The following C1QTNF3 variants were observed in gnomAD, a reference collection of about 807,000 sequenced individuals.
C1QTNF3 encodes complement C1q tumor necrosis factor-related protein 3.
A neutral mutation model predicts 32.6 loss-of-function variants in C1QTNF3; 26 were observed. The ratio of observed to expected loss-of-function variants is 0.80; its 90% CI spans 0.58 to 1.11. The LOEUF (loss-of-function observed/expected upper bound fraction) is 1.11. C1QTNF3 is among the 50% of genes least tolerant of loss of function. The probability of loss-of-function intolerance (pLI) is 0.00; values close to 1 mark genes in which losing one functional copy is unlikely to be tolerated. For missense variants in C1QTNF3, 362 were observed against 398.2 expected (o/e 0.91, Z 0.77); for synonymous variants, 155 against 146.0 (o/e 1.06, Z -0.44).
the C1QTNF3 span, among the ~76,000 whole-genome samples, chr5:34,064,862 T>C: frequency 2.8e-4 from 42 of 152,144 alleles, no homozygotes; most frequent in African/African-American, 9.7e-4. Flanking sequence ...GCCATCTACA[T>C]TGCGGTGTGT....
At chr5:34,048,401 C>G in the C1QTNF3 span, among the ~76,000 whole-genome samples, 10 of 151,722 alleles carry the variant, frequency 6.6e-5, no homozygotes, top group African/African-American at 2.2e-4. Flanking sequence ...AGAAACCACA[C>G]TAGATATTTT....
Position 34,018,198 on chromosome 5 carries a change from TA to T in C1QTNF3, c.*2384del, listed in dbSNP as rs1397142032. On this transcript the variant is annotated 3_prime_UTR_variant, in exon 6 of 6. Coordinates refer to ENST00000382065, the MANE Select transcript of C1QTNF3 (RefSeq NM_181435.6). ...TTTGATGGGATGATTAATTTTATAC[TA>T]AATATTTTGGGGAATTTTATAAATT... is the stretch of plus-strand genomic sequence containing the variant. 7.6e-4 allele frequency among the ~76,000 whole-genome samples: 116 copies of T among 152,074 alleles called. 1 individual carries two copies. Among genetic ancestry groups the T allele is most frequent in the African/African-American group, 2.6e-3 (106 of 41,558 alleles).
chr5:34,203,880 C>G, the C1QTNF3 span, among the ~76,000 whole-genome samples: 2 of 151,622 alleles, frequency 1.3e-5, no homozygotes, highest in South Asian at 4.2e-4. Flanking sequence ...ATACTTATAT[C>G]AAGTAAAACA....
the C1QTNF3 span, among the ~76,000 whole-genome samples, chr5:34,194,681 C>T: frequency 7.3e-4 from 111 of 152,276 alleles, no homozygotes; most frequent in African/African-American, 2.5e-3. Flanking sequence ...GTCAGTCTTC[C>T]CCCATTAGAA....
the C1QTNF3 span, among the ~76,000 whole-genome samples, chr5:34,197,094 T>C: frequency 1.2e-4 from 19 of 152,412 alleles, no homozygotes; most frequent in African/African-American, 4.1e-4. Context: ...TACTGCCTCA[T>C]AATATAGATG....
chr5:34,218,401 C>T, the C1QTNF3 span: 10 of 151,400 alleles, frequency 6.6e-5, no homozygotes, highest in Non-Finnish European at 1.0e-4. Context: ...GCAGAACCTG[C>T]TCTTTCACTC....
At chr5:34,170,245 G>A in the C1QTNF3 span, among the ~76,000 whole-genome samples, 2 of 152,156 alleles carry the variant, frequency 1.3e-5, no homozygotes, top group African/African-American at 4.8e-5. Flanking sequence ...AACTCACAGA[G>A]GCAGAGAAGA....
the C1QTNF3 span, among the ~76,000 whole-genome samples, chr5:34,107,862 T>A: frequency 6.6e-6 from 1 of 152,086 alleles, no homozygotes; most frequent in Admixed American, 6.6e-5. Flanking sequence ...CAGCACAAAA[T>A]ACTCAAGACT....
chr5:34,121,579 C>G, the C1QTNF3 span, among the ~76,000 whole-genome samples: 1 of 152,120 alleles, frequency 6.6e-6, no homozygotes, highest in East Asian at 1.9e-4. Flanking sequence ...CCACCAGCTC[C>G]CTCCCACAAC....
the C1QTNF3 span, among the ~76,000 whole-genome samples, chr5:34,237,402 C>T: frequency 1.3e-5 from 2 of 152,114 alleles, no homozygotes; most frequent in Non-Finnish European, 2.9e-5. Flanking sequence ...TGTAGCTGTG[C>T]TATTTTTCAA....
At chr5:34,173,139 TG>T in the C1QTNF3 span, among the ~76,000 whole-genome samples, 7 of 152,144 alleles carry the variant, frequency 4.6e-5, no homozygotes, top group Non-Finnish European at 1.0e-4. Flanking sequence ...CCAGGTTCAT[TG>T]AAATTCCCTA....
chr5:34,195,045 A>G, the C1QTNF3 span, among the ~76,000 whole-genome samples: 2 of 152,104 alleles, frequency 1.3e-5, no homozygotes, highest in South Asian at 2.1e-4. Flanking sequence ...GTCCTATTGC[A>G]TAGTAGGATG....
At chr5:34,072,360 T>TAA in the C1QTNF3 span, among the ~76,000 whole-genome samples, 2 of 54,844 alleles carry the variant, frequency 3.6e-5, no homozygotes, top group Non-Finnish European at 8.8e-5. Context: ...AGCAGAAAAT[T>TAA]AAAAAAGAAA....
rs747950535 is a variant in C1QTNF3 at position 34,023,894 on chromosome 5, GA to G, written c.800+14del. 2 of 1,609,386 alleles carry G rather than the reference GA, an allele frequency of 1.2e-6. No individual in the cohort carries two copies. The highest frequency in any genetic ancestry group is 4.5e-5 in the East Asian group (2 of 44,860). ...GGCAGCATGGATGAGACCCATGACAGAAAAGACCACCCACCTGTACATGCTG... is the reference window on the plus strand; with the variant it reads ...GGCAGCATGGATGAGACCCATGACAGAAAGACCACCCACCTGTACATGCTG... On this transcript the variant is annotated intron_variant, in intron 5 of 5. Coordinates refer to ENST00000382065, the MANE Select transcript of C1QTNF3 (RefSeq NM_181435.6).
At chr5:34,241,287 A>T in the C1QTNF3 span, among the ~76,000 whole-genome samples, 1 of 152,084 alleles carries the variant, frequency 6.6e-6, no homozygotes, top group African/African-American at 2.4e-5. Flanking sequence ...TCCTAGTCAG[A>T]GCAATCTCGC....
At chr5:34,033,220 G>A in intron 3 of C1QTNF3, 84 bp downstream of exon 3, 1 of 1,446,908 alleles carries the variant, frequency 6.9e-7, no homozygotes, top group South Asian at 1.2e-5. Flanking sequence ...AAGACTTGAG[G>A]AAGCGCTCGA....
At position 34,024,187 on chromosome 5, in the gene C1QTNF3, G is replaced by A. The variant is rs987097858; in HGVS notation, c.701-179C>T. ...CCCTATATCTACTCCCCTTCCAAGT[G>A]CTTTCAATGTGTACACTGTGTATCC... On this transcript the variant is annotated intron_variant, in intron 4 of 5. Coordinates refer to ENST00000382065, the MANE Select transcript of C1QTNF3 (RefSeq NM_181435.6). 15 of 577,288 alleles carry A rather than the reference G, an allele frequency of 2.6e-5. No individual in the cohort carries two copies. In the African/African-American group the frequency reaches 2.8e-4, roughly 11 times the overall value. The allele number at this position is 577,288 out of a possible 1,614,324, so 35.8% of individuals were successfully genotyped here.
At chr5:34,223,266 A>G in the C1QTNF3 span, among the ~76,000 whole-genome samples, 2 of 148,874 alleles carry the variant, frequency 1.3e-5, no homozygotes, top group African/African-American at 2.5e-5. Flanking sequence ...GAGAACATGC[A>G]GTCTTAGGTT....
the C1QTNF3 span, among the ~76,000 whole-genome samples, chr5:34,065,856 T>C: frequency 1.3e-5 from 2 of 152,122 alleles, no homozygotes; most frequent in Non-Finnish European, 2.9e-5. Flanking sequence ...AACAGATCAT[T>C]ATACCAAAAA....
Sources: gnomAD v4.1 joint callset for allele counts (sites outside exome capture counted in the v4.1 genomes callset) on GRCh38, gnomAD v4.1.1 for gene constraint, MANE v1.5 for transcripts, NCBI Gene and HGNC (gene_info 2026-07-23, HGNC 2026-07-21) for gene names.